TAFA2: variants seen among roughly 807,000 people sequenced by gnomAD.
The protein encoded by TAFA2 is TAFA chemokine like family member 2.
In TAFA2, 7 loss-of-function variants were observed where a neutral mutation model predicts 18.8. That is an observed-to-expected ratio of 0.37 (90% CI 0.21 to 0.70). The LOEUF is 0.70. TAFA2 is among the 30% of genes least tolerant of loss of function. TAFA2 has a pLI of 0.53. For synonymous variants in TAFA2, 60 were observed against 54.2 expected (o/e 1.11, Z -0.47); for missense variants, 122 against 158.1 (o/e 0.77, Z 1.23).
chr12:62,202,547 C>G (rs2062675597), intron 1 of TAFA2, among the ~76,000 whole-genome samples: 1 of 151,926 alleles, frequency 6.6e-6, no homozygotes, highest in Admixed American at 6.6e-5. Context: ...GTCTCAAACT[C>G]CTGACCTCAG....
Position 61,867,346 on chromosome 12 carries a change from A to T in TAFA2, c.80T>A (p.Val27Asp). The T allele has an allele frequency of 1.2e-6, 2 of 1,609,156 alleles. No individual in the cohort carries two copies. Among genetic ancestry groups the T allele is most frequent in the Non-Finnish European group, 1.7e-6 (2 of 1,176,880 alleles). The change falls in exon 2 of 5, where the codon GTT becomes GAT. Residue 27 changes from valine (V) to aspartate (D), a missense_variant. Physicochemically the swap from Val to Asp is radical, Grantham distance 152. Transcript: ENST00000416284. ...IIFIVTLWGK[V>D]VSSANHHKAH... The stretch of plus-strand genomic sequence containing the variant: ...TTTATGATGGTTTGCACTGGATACA[A>T]CTTTCCCCCACAAGGTTACAATAAA...
Position 61,830,125 on chromosome 12 carries a change from CTGGA to C in TAFA2, c.106+37191_106+37194del, listed in dbSNP as rs576136344. ...CCCACCTGTATCTACCAATGGTTGA[CTGGA>C]TGATTGGATAAATGTTATGATCCAA... On this transcript the variant is annotated intron_variant, in intron 2 of 4. Coordinates refer to ENST00000416284, the MANE Select transcript of TAFA2 (RefSeq NM_178539.5). 7.3e-5 allele frequency among the ~76,000 whole-genome samples: 11 copies of C among 151,296 alleles called. No individual in the cohort carries two copies. In the East Asian group the frequency reaches 1.2e-3, roughly 16 times the overall value.
At chr12:61,835,650 G>A (rs143890090) in intron 2 of TAFA2, among the ~76,000 whole-genome samples, 109 of 151,942 alleles carry the variant, frequency 7.2e-4, no homozygotes, top group African/African-American at 2.5e-3. Context: ...TTGCTTCAAT[G>A]AACAATCATA....
chr12:62,182,977 G>A (rs2062561501), intron 1 of TAFA2, among the ~76,000 whole-genome samples: 1 of 152,180 alleles, frequency 6.6e-6, no homozygotes, highest in African/African-American at 2.4e-5. Context: ...AATATCATGA[G>A]GGCAGATGTC....
At chr12:62,244,798 C>T (rs1592417824) in intron 1 of TAFA2, among the ~76,000 whole-genome samples, 1 of 152,056 alleles carries the variant, frequency 6.6e-6, no homozygotes, top group African/African-American at 2.4e-5. Context: ...TCTCATTGCA[C>T]TTTTATTTTG....
At chr12:62,115,152 A>C (rs563605980) in intron 1 of TAFA2, among the ~76,000 whole-genome samples, 1 of 152,282 alleles carries the variant, frequency 6.6e-6, no homozygotes, top group East Asian at 1.9e-4. Context: ...CTAGAATTTT[A>C]ATTCTAAGCC....
At chr12:62,155,409 A>G (rs2062361541) in intron 1 of TAFA2, among the ~76,000 whole-genome samples, 1 of 152,076 alleles carries the variant, frequency 6.6e-6, no homozygotes, top group African/African-American at 2.4e-5. Context: ...ATCCCCATCA[A>G]AACACCATCA....
chr12:62,097,513 T>C (rs540739363), intron 1 of TAFA2, among the ~76,000 whole-genome samples: 9 of 151,970 alleles, frequency 5.9e-5, no homozygotes, highest in African/African-American at 1.9e-4. Flanking sequence ...GAAGTAGGAG[T>C]CAGATCATGG....
At chr12:62,051,626 G>A (rs1291697667) in intron 1 of TAFA2, among the ~76,000 whole-genome samples, 1 of 151,776 alleles carries the variant, frequency 6.6e-6, no homozygotes, top group Non-Finnish European at 1.5e-5. Context: ...TGCCCACAGT[G>A]AGCCAGGCAC....
At chr12:62,050,463 T>C (rs1238102195) in intron 1 of TAFA2, among the ~76,000 whole-genome samples, 3 of 151,860 alleles carry the variant, frequency 2.0e-5, no homozygotes, top group East Asian at 1.9e-4. Flanking sequence ...TCACAGCTAC[T>C]TGGGAGGCTG....
At chr12:62,087,426 TGA>T in intron 1 of TAFA2, among the ~76,000 whole-genome samples, 1 of 152,072 alleles carries the variant, frequency 6.6e-6, no homozygotes, top group Non-Finnish European at 1.5e-5. Context: ...TACATTAGAA[TGA>T]GAGTACTCAG....
intron 1 of TAFA2, among the ~76,000 whole-genome samples, chr12:61,983,499 C>A (rs1879712890): frequency 6.6e-6 from 1 of 152,024 alleles, no homozygotes; most frequent in African/African-American, 2.4e-5. Flanking sequence ...CCTCTGCCTC[C>A]CTGGTTCTAG....
chr12:61,958,940 G>T lies in TAFA2; in HGVS notation c.-1-91514C>A, dbSNP rs555850346. ...TGCCTGAAATTTATTTTTGAACATG[G>T]TATAAGATGGGGTCCATTTTTATTC... is the stretch of plus-strand genomic sequence containing the variant. On this transcript the variant is annotated intron_variant, in intron 1 of 4. Transcript: ENST00000416284. Among the ~76,000 whole-genome samples the T allele has an allele frequency of 1.1e-4, 17 of 151,960 alleles. No homozygotes were observed. In the South Asian group the frequency reaches 1.7e-3, roughly 15 times the overall value.
At chr12:62,149,146 C>T (rs1487343749) in intron 1 of TAFA2, among the ~76,000 whole-genome samples, 1 of 152,144 alleles carries the variant, frequency 6.6e-6, no homozygotes, top group Non-Finnish European at 1.5e-5. Flanking sequence ...TTCATGAACC[C>T]ACTATGTATT....
intron 4 of TAFA2, among the ~76,000 whole-genome samples, chr12:61,728,619 CT>C (rs1358628686): frequency 6.7e-6 from 1 of 149,552 alleles, no homozygotes; most frequent in Non-Finnish European, 1.5e-5. Flanking sequence ...TATGTAAGTC[CT>C]TATGTGTTAG....
At position 61,710,342 on chromosome 12, in the gene TAFA2, G is replaced by T. The variant is rs1344090033; in HGVS notation, c.*64C>A. 9 of 1,498,460 alleles carry T rather than the reference G, an allele frequency of 6.0e-6. No homozygotes were observed. The highest frequency in any genetic ancestry group is 8.4e-6 in the Non-Finnish European group (9 of 1,075,532). The allele number at this position is 1,498,460 out of a possible 1,614,324, so 92.8% of individuals were successfully genotyped here. On this transcript the variant is annotated 3_prime_UTR_variant, in exon 5 of 5. Transcript: ENST00000416284. The stretch of plus-strand genomic sequence containing the variant: ...AATCTTCAAGATCACCTCAGGAGTT[G>T]AGTTAAGTTTCTATGCGCATGTTCA...
intron 2 of TAFA2, chr12:61,776,094 G>A: frequency 2.3e-6 from 1 of 442,516 alleles, no homozygotes; most frequent in Non-Finnish European, 4.4e-6. Flanking sequence ...ATGCTACCAT[G>A]GCAAAACTGG....
chr12:61,784,293 GA>G (rs766104013), intron 2 of TAFA2, among the ~76,000 whole-genome samples: 10 of 151,494 alleles, frequency 6.6e-5, no homozygotes, highest in Non-Finnish European at 1.5e-4. Context: ...TAGGGTCTGA[GA>G]AGTTGTTTTA....
intron 1 of TAFA2, among the ~76,000 whole-genome samples, chr12:61,994,818 C>G (rs1237044663): frequency 6.6e-6 from 1 of 152,076 alleles, no homozygotes; most frequent in Admixed American, 6.5e-5. Flanking sequence ...TTTTCTGGTT[C>G]TTTCTCTGCT....
Sources: allele counts gnomAD v4.1 joint callset (sites outside exome capture counted in the v4.1 genomes callset), GRCh38; gene constraint gnomAD v4.1.1; transcripts MANE v1.5; gene names NCBI Gene and HGNC (gene_info 2026-07-23, HGNC 2026-07-21).